Variants in CREB3L2 observed in about 807,000 individuals in gnomAD.
CREB3L2 encodes cyclic AMP-responsive element-binding protein 3-like protein 2.
CREB3L2 carries 23 observed loss-of-function variants against 57.2 expected under a neutral mutation model. The observed-to-expected ratio is 0.40, with a 90% CI of 0.29 to 0.57. The LOEUF is 0.57. Ranked by LOEUF, CREB3L2 falls within the 20% of genes least tolerant of loss-of-function variation. The pLI is 0.42. For missense variants in CREB3L2, 628 were observed against 634.7 expected, an observed-to-expected ratio of 0.99 and a Z score of 0.11; for synonymous variants, 268 against 265.1, an observed-to-expected ratio of 1.01 and a Z score of -0.11.
chr7:137,910,576 C>A (rs552836377), intron 4 of CREB3L2, among the ~76,000 whole-genome samples: 21 of 152,034 alleles, frequency 1.4e-4, no homozygotes, highest in African/African-American at 4.6e-4. Context: ...AAAAAACAAA[C>A]AAACAAAAAA....
intron 8 of CREB3L2, among the ~76,000 whole-genome samples, chr7:137,899,307 G>C (rs1431897206): frequency 6.6e-6 from 1 of 152,130 alleles, no homozygotes; most frequent in Non-Finnish European, 1.5e-5. Flanking sequence ...ATGTGGCCCA[G>C]GGAAGGCCTG....
In CREB3L2 at chr7:137,928,142, G is replaced by A. The variant is rs772723213; in HGVS notation, c.319+8C>T. 4 of 1,550,028 alleles carry A rather than the reference G, an allele frequency of 2.6e-6. No homozygotes were observed. Among genetic ancestry groups the A allele is most frequent in the Non-Finnish European group, 3.5e-6 (4 of 1,147,302 alleles). On this transcript the variant is annotated splice_region_variant and intron_variant, in intron 2 of 11. Transcript: ENST00000330387. Reference sequence around the variant, plus strand: ...AAGGTCCAGGTCTTCCTCCTCCTCTGAGTTTACCGTCATTGAAGCTGTCAC... The same window carrying A: ...AAGGTCCAGGTCTTCCTCCTCCTCTAAGTTTACCGTCATTGAAGCTGTCAC...
In CREB3L2 at chr7:138,001,869, G is replaced by GA. The variant is rs1193244095; in HGVS notation, c.-165dup. On this transcript the variant is annotated 5_prime_UTR_variant, in exon 1 of 12. Coordinates refer to ENST00000330387, the MANE Select transcript of CREB3L2 (RefSeq NM_194071.4). The surrounding 1 kb of genome is among the most constrained non-coding windows in gnomAD (Gnocchi z 4.2). ...AGCAAACGTCTGCTCCTCTGCCGGAGAGAGGATGGCCAAGCGCTCCCGTCC... is the reference window on the plus strand; with the variant it reads ...AGCAAACGTCTGCTCCTCTGCCGGAGAAGAGGATGGCCAAGCGCTCCCGTCC... The GA allele has an allele frequency of 2.0e-5, 10 of 505,200 alleles. No individual in the cohort carries two copies. Among genetic ancestry groups the GA allele is most frequent in the Non-Finnish European group, 3.5e-5 (10 of 287,684 alleles). The allele number at this position is 505,200 out of a possible 1,614,324, so 31.3% of individuals were successfully genotyped here.
At chr7:137,885,233 G>A in intron 9 of CREB3L2, 112 bp from the exon 10 acceptor site, 1 of 1,296,270 alleles carries the variant, frequency 7.7e-7, no homozygotes, top group Non-Finnish European at 1.1e-6. Context: ...CCAGTGGACT[G>A]CACCCACCAG....
intron 1 of CREB3L2, among the ~76,000 whole-genome samples, chr7:137,952,814 T>C (rs1354044688): frequency 6.6e-6 from 1 of 152,160 alleles, no homozygotes; most frequent in African/African-American, 2.4e-5. Context: ...ATTGTTTTTG[T>C]TTTTGTTTTT....
intron 1 of CREB3L2, among the ~76,000 whole-genome samples, chr7:137,962,595 C>T (rs1030371316): frequency 6.6e-6 from 1 of 152,034 alleles, no homozygotes; most frequent in Non-Finnish European, 1.5e-5. Context: ...ATCACAACAT[C>T]AGGCAGGACT....
intron 8 of CREB3L2, among the ~76,000 whole-genome samples, chr7:137,892,390 C>A (rs1799544296): frequency 6.6e-6 from 1 of 151,604 alleles, no homozygotes. Flanking sequence ...GTAGCTCATG[C>A]CTATAATCCC....
intron 2 of CREB3L2, among the ~76,000 whole-genome samples, chr7:137,918,432 C>T (rs1208550475): frequency 2.0e-5 from 3 of 152,080 alleles, no homozygotes; most frequent in South Asian, 2.1e-4. Context: ...CTCAGGTGAT[C>T]GGCCTCCCAA....
chr7:137,977,878 G>A (rs1047420311), intron 1 of CREB3L2, among the ~76,000 whole-genome samples: 1 of 150,942 alleles, frequency 6.6e-6, no homozygotes, highest in Non-Finnish European at 1.5e-5. Flanking sequence ...CCGAGATCAT[G>A]CCACTGCACT....
rs1799142522 is a variant in CREB3L2, at chr7:137,876,048, C to T, written c.*4428G>A. 1 of 230,592 alleles carries T rather than the reference C, an allele frequency of 4.3e-6. No homozygotes were observed. Among genetic ancestry groups the T allele is most frequent in the Non-Finnish European group, 8.6e-6 (1 of 116,400 alleles). The allele number at this position is 230,592 out of a possible 1,614,324, so 14.3% of individuals were successfully genotyped here. A position where few individuals can be genotyped will look rare whatever the true frequency, so the allele number is the denominator to read the frequency against. On this transcript the variant is annotated 3_prime_UTR_variant, in exon 12 of 12. Transcript: ENST00000330387. ...ATGAGGATTTATAATACCTTTAATC[C>T]TGGCTGGTTGTTTTTTTGATGTGAT...
chr7:137,903,257 T>C (rs973738806), intron 7 of CREB3L2, among the ~76,000 whole-genome samples: 2 of 152,212 alleles, frequency 1.3e-5, no homozygotes, highest in Non-Finnish European at 1.5e-5. Flanking sequence ...CTTTCAATAG[T>C]AGCTTTGAGA....
At chr7:137,962,669 C>T (rs374940342) in intron 1 of CREB3L2, among the ~76,000 whole-genome samples, 1 of 151,944 alleles carries the variant, frequency 6.6e-6, no homozygotes, top group Non-Finnish European at 1.5e-5. Context: ...CTTACCCCAT[C>T]GTGGTTTATT....
intron 1 of CREB3L2, among the ~76,000 whole-genome samples, chr7:137,946,720 TA>T (rs1223647184): frequency 6.9e-6 from 1 of 144,840 alleles, no homozygotes; most frequent in African/African-American, 2.6e-5. Context: ...TATATAGTTA[TA>T]TATATATAGT....
chr7:137,922,453 T>TATGTATATATATATATATAC (rs1554498063), intron 2 of CREB3L2: 1 of 72,580 alleles, frequency 1.4e-5, no homozygotes, highest in African/African-American at 6.3e-5. Context: ...TATATATATA[T>TATGTATATATATATATATAC]ACACACATAT....
In CREB3L2 at chr7:137,878,539, A is replaced by C. The variant is rs2117166546; in HGVS notation, c.*1937T>G. 4.3e-6 allele frequency: 1 copy of C among 233,608 alleles called. No homozygotes were observed. Among genetic ancestry groups the C allele is most frequent in the South Asian group, 1.8e-4 (1 of 5,536 alleles). 14.5% of individuals were successfully genotyped at this position (233,608 alleles called of 1,614,324 possible). A position where few individuals can be genotyped will look rare whatever the true frequency, so the allele number is the denominator to read the frequency against. On this transcript the variant is annotated 3_prime_UTR_variant, in exon 12 of 12. Coordinates refer to ENST00000330387, the MANE Select transcript of CREB3L2 (RefSeq NM_194071.4). Reference sequence around the variant, plus strand: ...AGACAGTGGAGCAGAGAGAAGCAGAAGCAGAACCTACTAGCAACCCTCCTC... The same window carrying C: ...AGACAGTGGAGCAGAGAGAAGCAGACGCAGAACCTACTAGCAACCCTCCTC...
intron 2 of CREB3L2, among the ~76,000 whole-genome samples, chr7:137,927,074 A>T (rs1036827822): frequency 6.6e-6 from 1 of 152,026 alleles, no homozygotes; most frequent in Non-Finnish European, 1.5e-5. Context: ...GAATGACTAC[A>T]TGAGAGCCCA....
chr7:137,913,166 C>A, intron 3 of CREB3L2, 88 bp from the exon 4 acceptor site: 2 of 1,327,996 alleles, frequency 1.5e-6, no homozygotes. Flanking sequence ...CCTGTGTCTT[C>A]CTCTCGGGAC....
intron 1 of CREB3L2, among the ~76,000 whole-genome samples, chr7:137,986,624 T>G (rs1801796090): frequency 6.6e-6 from 1 of 152,210 alleles, no homozygotes; most frequent in East Asian, 1.9e-4. Flanking sequence ...CAACTGCCTT[T>G]TCCAGTGGTT....
chr7:137,903,513 G>A (rs1266353275), intron 7 of CREB3L2, among the ~76,000 whole-genome samples: 1 of 151,788 alleles, frequency 6.6e-6, no homozygotes, highest in East Asian at 1.9e-4. Flanking sequence ...GAATTGTAGT[G>A]GCTGGAAAAT....
Sources: gnomAD v4.1 joint callset for allele counts (sites outside exome capture counted in the v4.1 genomes callset) on GRCh38, gnomAD v4.1.1 for gene constraint, Gnocchi (gnomAD v3.1) non-coding constraint, MANE v1.5 for transcripts, NCBI Gene and HGNC (gene_info 2026-07-23, HGNC 2026-07-21) for gene names.